CHLSN: variants seen among roughly 807,000 people sequenced by gnomAD.
CHLSN encodes the protein cholesin.
chr7:1,062,974 C>T, the CHLSN span, among the ~76,000 whole-genome samples: 1 of 152,176 alleles, frequency 6.6e-6, no homozygotes, highest in Non-Finnish European at 1.5e-5. Flanking sequence ...ACCCTCAACA[C>T]CCTCATCTGA....
At chr7:1,001,756 T>G in the CHLSN span, among the ~76,000 whole-genome samples, 6 of 50,254 alleles carry the variant, frequency 1.2e-4, no homozygotes, top group Non-Finnish European at 1.9e-4. Context: ...TGTGGGTGAG[T>G]GGAGTCCTGC....
the CHLSN span, among the ~76,000 whole-genome samples, chr7:1,047,650 C>G: frequency 1.3e-5 from 2 of 152,276 alleles, no homozygotes; most frequent in African/African-American, 4.8e-5. Flanking sequence ...GGTTGAGCGT[C>G]TCATGGTGCA....
the CHLSN span, among the ~76,000 whole-genome samples, chr7:1,071,501 A>G: frequency 3.9e-5 from 6 of 152,144 alleles, no homozygotes; most frequent in Non-Finnish European, 7.3e-5. Context: ...ACAATACATT[A>G]AAAACCACAA....
At chr7:1,049,466 C>G in the CHLSN span, among the ~76,000 whole-genome samples, 1 of 152,358 alleles carries the variant, frequency 6.6e-6, no homozygotes, top group East Asian at 1.9e-4. Flanking sequence ...TGCAAAGGCA[C>G]CTGTGTGCAA....
chr7:983,430 C>G, the CHLSN span: 1 of 1,401,576 alleles, frequency 7.1e-7, no homozygotes, highest in Non-Finnish European at 9.4e-7. Flanking sequence ...GGACAGCTGC[C>G]GTGTCCTGGC....
chr7:988,267 G>T, the CHLSN span: 1 of 1,566,822 alleles, frequency 6.4e-7, no homozygotes, highest in Non-Finnish European at 8.7e-7. Flanking sequence ...TGCCCCGGCT[G>T]CCCCCACAGG....
At chr7:1,033,039 A>G in the CHLSN span, among the ~76,000 whole-genome samples, 3 of 152,286 alleles carry the variant, frequency 2.0e-5, no homozygotes, top group Non-Finnish European at 2.9e-5. Flanking sequence ...TCCGTTACAC[A>G]CTGAAAGAAG....
the CHLSN span, among the ~76,000 whole-genome samples, chr7:1,064,949 CCA>C: frequency 6.6e-6 from 1 of 152,254 alleles, no homozygotes; most frequent in South Asian, 2.1e-4. Context: ...CTGAGCTGTG[CCA>C]CACACACTAA....
the CHLSN span, among the ~76,000 whole-genome samples, chr7:1,103,929 G>A: frequency 6.6e-6 from 1 of 152,210 alleles, no homozygotes; most frequent in Admixed American, 6.5e-5. Context: ...AGGAACCCTG[G>A]CCTGAACGGC....
chr7:1,097,344 G>A, the CHLSN span, among the ~76,000 whole-genome samples: 1 of 152,162 alleles, frequency 6.6e-6, no homozygotes, highest in Non-Finnish European at 1.5e-5. This position sits in a 1 kb window ranked among gnomAD's most constrained non-coding sequence, Gnocchi z 4.3. Flanking sequence ...CCAAGAGCAC[G>A]TCGGGTGACA....
chr7:1,081,877 C>G, the CHLSN span: 4 of 152,340 alleles, frequency 2.6e-5, no homozygotes, highest in Non-Finnish European at 4.4e-5. Context: ...GCCTTCACCT[C>G]AGCTCCAGAC....
the CHLSN span, chr7:1,093,915 TC>T: frequency 3.1e-6 from 1 of 326,364 alleles, no homozygotes; most frequent in South Asian, 2.5e-5. Flanking sequence ...AACACAGCCC[TC>T]CCCTGCCACC....
the CHLSN span, among the ~76,000 whole-genome samples, chr7:985,851 C>T: frequency 6.6e-6 from 1 of 152,198 alleles, no homozygotes; most frequent in Non-Finnish European, 1.5e-5. Context: ...ACGGCTGGAC[C>T]CAGAGACCAC....
chr7:1,070,692 G>A, the CHLSN span, among the ~76,000 whole-genome samples: 14 of 134,022 alleles, frequency 1.0e-4, no homozygotes, highest in African/African-American at 3.6e-4. Context: ...CGATACACAT[G>A]CACACGCGAG....
the CHLSN span, among the ~76,000 whole-genome samples, chr7:1,059,914 TAGTG>T: frequency 9.8e-6 from 1 of 101,548 alleles, no homozygotes; most frequent in Non-Finnish European, 1.9e-5. Context: ...AGGCGGGTCT[TAGTG>T]AGGCAGGTCT....
At chr7:1,079,429 C>T in the CHLSN span, among the ~76,000 whole-genome samples, 2 of 152,230 alleles carry the variant, frequency 1.3e-5, no homozygotes, top group East Asian at 3.8e-4. Context: ...GTATGAAAGA[C>T]AAGCGCAGGT....
chr7:993,516 T>G, the CHLSN span, among the ~76,000 whole-genome samples: 4 of 151,956 alleles, frequency 2.6e-5, no homozygotes, highest in Non-Finnish European at 5.9e-5. Context: ...CATCCAGAAA[T>G]AAATCCCAGG....
At chr7:1,002,722 T>C in the CHLSN span, among the ~76,000 whole-genome samples, 42 of 77,958 alleles carry the variant, frequency 5.4e-4, 3 homozygotes, top group African/African-American at 2.5e-3. Flanking sequence ...TGGAGCCCTG[T>C]GGGTGAGTGG....
the CHLSN span, chr7:988,450 C>T: frequency 2.5e-6 from 4 of 1,610,912 alleles, no homozygotes; most frequent in Middle Eastern, 1.7e-4. Flanking sequence ...GGTGGGGCGG[C>T]ACCTCCAGGG....
Sources: gnomAD v4.1 joint callset for allele counts (sites outside exome capture counted in the v4.1 genomes callset) on GRCh38, gnomAD v4.1.1 for gene constraint, Gnocchi (gnomAD v3.1) non-coding constraint, MANE v1.5 for transcripts, NCBI Gene and HGNC (gene_info 2026-07-23, HGNC 2026-07-21) for gene names.